CAMKMT: variants seen among roughly 807,000 people sequenced by gnomAD.
CAMKMT encodes calmodulin-lysine N-methyltransferase, also known as CaM KMT.
A neutral mutation model predicts 48.0 loss-of-function variants in CAMKMT; 53 were observed. The observed-to-expected ratio is 1.10, with a 90% CI of 0.89 to 1.39. The LOEUF (loss-of-function observed/expected upper bound fraction) is 1.39, where lower values mean the gene tolerates loss of function less well. Ranked by LOEUF, CAMKMT falls within the 40% of genes most tolerant of loss-of-function variation. The probability of loss-of-function intolerance (pLI) is 0.00; values close to 1 mark genes in which losing one functional copy is unlikely to be tolerated. For synonymous variants in CAMKMT, 165 were observed against 152.3 expected (o/e 1.08, Z -0.61); for missense variants, 428 against 402.7 (o/e 1.06, Z -0.54).
chr2:44,546,799 G>A (rs1361906505), intron 3 of CAMKMT, among the ~76,000 whole-genome samples: 2 of 152,188 alleles, frequency 1.3e-5, no homozygotes, highest in African/African-American at 4.8e-5. Context: ...AATTTAGGTA[G>A]AAGTGTCCCT....
At chr2:44,533,744 G>A (rs72881128) in intron 3 of CAMKMT, among the ~76,000 whole-genome samples, 13 of 152,148 alleles carry the variant, frequency 8.5e-5, no homozygotes, top group Admixed American at 7.9e-4. Context: ...ACACACAAAT[G>A]AGGAAGAGGA....
At chr2:44,574,376 C>G (rs188014999) in intron 3 of CAMKMT, among the ~76,000 whole-genome samples, 2 of 152,212 alleles carry the variant, frequency 1.3e-5, no homozygotes, top group African/African-American at 2.4e-5. Context: ...GCTGCGGCCC[C>G]TAATTATCTG....
chr2:44,663,382 C>T (rs557712169), intron 3 of CAMKMT, among the ~76,000 whole-genome samples: 5 of 152,282 alleles, frequency 3.3e-5, no homozygotes, highest in Middle Eastern at 3.4e-3. Flanking sequence ...ATCATTGATT[C>T]GCAAACATTC....
At position 44,393,670 on chromosome 2, in the gene CAMKMT, G is replaced by C. The variant is rs192963623; in HGVS notation, c.376+3365G>C. 3 of 152,310 alleles carry C rather than the reference G, an allele frequency of 2.0e-5. No individual in the cohort carries two copies. In the East Asian group the frequency reaches 5.8e-4, roughly 29 times the overall value. The allele number at this position is 152,310 out of a possible 1,614,324, so 9.4% of individuals were successfully genotyped here. A position where few individuals can be genotyped will look rare whatever the true frequency, so the allele number is the denominator to read the frequency against. On this transcript the variant is annotated intron_variant, in intron 3 of 10. Coordinates refer to ENST00000378494, the MANE Select transcript of CAMKMT (RefSeq NM_024766.5). The stretch of plus-strand genomic sequence containing the variant: ...ATGCTGACAAGCTACCTAGGGAAGA[G>C]TATAGGATGACATCTTTCACCTCAG...
chr2:44,554,605 A>C (rs1206946363), intron 3 of CAMKMT, among the ~76,000 whole-genome samples: 1 of 152,110 alleles, frequency 6.6e-6, no homozygotes, highest in African/African-American at 2.4e-5. Flanking sequence ...GCATAGTAGT[A>C]CATGCCTATA....
chr2:44,644,007 AAAGAC>A (rs1354672469), intron 3 of CAMKMT, among the ~76,000 whole-genome samples: 9 of 152,310 alleles, frequency 5.9e-5, no homozygotes, highest in African/African-American at 2.2e-4. Flanking sequence ...CCTTGTGACA[AAAGAC>A]AGTATCTTCA....
intron 1 of CAMKMT, 132 bp downstream of exon 1, chr2:44,362,277 G>A (rs1169486673): frequency 5.3e-6 from 4 of 751,624 alleles, no homozygotes; most frequent in African/African-American, 1.9e-5. Flanking sequence ...GGAGCCACCT[G>A]CGAAGCTCCC....
Position 44,722,037 on chromosome 2 carries a change from A to G in CAMKMT, c.623+6684A>G, listed in dbSNP as rs563108888. 5.9e-5 allele frequency among the ~76,000 whole-genome samples: 9 copies of G among 152,328 alleles called. No homozygotes were observed. The East Asian group carries it at 1.7e-3, about 29-fold the overall frequency. Reference sequence around the variant, plus strand: ...TTCACATCTGGAATCTATTGCTTAAAATAGTGTTTTTAAGGTTATTCATGT... The same window carrying G: ...TTCACATCTGGAATCTATTGCTTAAGATAGTGTTTTTAAGGTTATTCATGT... On this transcript the variant is annotated intron_variant, in intron 7 of 10. Transcript: ENST00000378494.
chr2:44,362,978 G>A (rs759694214), intron 1 of CAMKMT, among the ~76,000 whole-genome samples: 5 of 152,202 alleles, frequency 3.3e-5, no homozygotes, highest in Non-Finnish European at 7.3e-5. Flanking sequence ...TACTCAGGAG[G>A]ACATTTTTCC....
chr2:44,366,587 A>G (rs555532820), intron 1 of CAMKMT, among the ~76,000 whole-genome samples: 1 of 152,228 alleles, frequency 6.6e-6, no homozygotes, highest in Admixed American at 6.5e-5. Context: ...TTCTAACCTC[A>G]GTTTTCTCTT....
intron 5 of CAMKMT, 93 bp from the exon 6 acceptor site, chr2:44,707,306 A>C: frequency 2.0e-6 from 2 of 987,696 alleles, no homozygotes; most frequent in Non-Finnish European, 1.6e-6. Context: ...TAGGTGAGGA[A>C]GCATGATACT....
At chr2:44,589,516 G>A (rs1670127222) in intron 3 of CAMKMT, among the ~76,000 whole-genome samples, 1 of 64,316 alleles carries the variant, frequency 1.6e-5, no homozygotes, top group East Asian at 2.6e-4. Flanking sequence ...AGACATGGGA[G>A]ACTTTTCATT....
chr2:44,490,574 C>T (rs978210734), intron 3 of CAMKMT, among the ~76,000 whole-genome samples: 3 of 152,132 alleles, frequency 2.0e-5, no homozygotes, highest in African/African-American at 7.2e-5. Flanking sequence ...TGCACCCAGC[C>T]TTATCGTTTT....
At chr2:44,712,422 T>C (rs958578016) in intron 6 of CAMKMT, among the ~76,000 whole-genome samples, 1 of 152,116 alleles carries the variant, frequency 6.6e-6, no homozygotes, top group African/African-American at 2.4e-5. Context: ...ATATGATGCA[T>C]ACATATAACA....
At chr2:44,443,222 A>G (rs1402565958) in intron 3 of CAMKMT, among the ~76,000 whole-genome samples, 1 of 152,190 alleles carries the variant, frequency 6.6e-6, no homozygotes, top group Non-Finnish European at 1.5e-5. Flanking sequence ...CATTGTTAAC[A>G]CTGAACTGTA....
At chr2:44,677,634 G>A (rs1675784569) in intron 3 of CAMKMT, among the ~76,000 whole-genome samples, 1 of 152,106 alleles carries the variant, frequency 6.6e-6, no homozygotes, top group South Asian at 2.1e-4. Flanking sequence ...CTTGAACCAG[G>A]GAGGTGGATG....
At chr2:44,689,039 G>A (rs1676488099) in intron 3 of CAMKMT, among the ~76,000 whole-genome samples, 1 of 152,162 alleles carries the variant, frequency 6.6e-6, no homozygotes, top group Non-Finnish European at 1.5e-5. Context: ...TCCGAGGCAG[G>A]AAAATGCTTT....
intron 9 of CAMKMT, among the ~76,000 whole-genome samples, chr2:44,764,249 A>G (rs1440268305): frequency 1.3e-5 from 2 of 152,166 alleles, no homozygotes; most frequent in Admixed American, 1.3e-4. Flanking sequence ...CAGTATGAAA[A>G]CACACTTGAT....
intron 3 of CAMKMT, among the ~76,000 whole-genome samples, chr2:44,694,486 C>G (rs1676829506): frequency 6.6e-6 from 1 of 152,080 alleles, no homozygotes; most frequent in South Asian, 2.1e-4. Context: ...TCACCTAAGC[C>G]TAGGAAGTCA....
Sources: allele counts gnomAD v4.1 joint callset (sites outside exome capture counted in the v4.1 genomes callset), GRCh38; gene constraint gnomAD v4.1.1; transcripts MANE v1.5; gene names NCBI Gene and HGNC (gene_info 2026-07-23, HGNC 2026-07-21).